Variants in PCSK5 observed in about 807,000 individuals in gnomAD.
PCSK5 encodes the protein prohormone convertase 5.
A neutral mutation model predicts 233.2 loss-of-function variants in PCSK5; 129 were observed. The observed-to-expected ratio is 0.55, with a 90% CI of 0.48 to 0.64. PCSK5 has a LOEUF of 0.64. PCSK5 is among the 30% of genes least tolerant of loss of function. The pLI, the probability that PCSK5 is intolerant of heterozygous loss-of-function variation, is 0.00. For synonymous variants in PCSK5, 825 were observed against 879.2 expected (o/e 0.94, Z 1.09); for missense variants, 2,076 against 2,430.1 (o/e 0.85, Z 3.06).
At chr9:76,256,929 C>T (rs1420617772) in intron 24 of PCSK5, among the ~76,000 whole-genome samples, 3 of 152,204 alleles carry the variant, frequency 2.0e-5, no homozygotes, top group Non-Finnish European at 4.4e-5. Context: ...CTTCCTTGTA[C>T]CTCCTAATAG....
intron 34 of PCSK5, among the ~76,000 whole-genome samples, chr9:76,336,815 C>A (rs1055257550): frequency 1.3e-5 from 2 of 152,066 alleles, no homozygotes; most frequent in East Asian, 3.9e-4. Context: ...ACCTGAGGCA[C>A]AGAGATGTTG....
At chr9:76,059,502 T>G (rs1242825557) in intron 5 of PCSK5, among the ~76,000 whole-genome samples, 1 of 152,244 alleles carries the variant, frequency 6.6e-6, no homozygotes, top group East Asian at 1.9e-4. Context: ...GTCTAACGTT[T>G]AAGTCTTTAA....
At chr9:76,066,330 A>C (rs1384960562) in intron 5 of PCSK5, among the ~76,000 whole-genome samples, 1 of 151,940 alleles carries the variant, frequency 6.6e-6, no homozygotes, top group Admixed American at 6.6e-5. Context: ...TATAGTTTTC[A>C]TTGTGTAGTA....
intron 1 of PCSK5, among the ~76,000 whole-genome samples, chr9:75,916,657 G>A (rs1481879300): frequency 6.6e-6 from 1 of 152,124 alleles, no homozygotes; most frequent in Non-Finnish European, 1.5e-5. Flanking sequence ...TTCTGAGGCT[G>A]GAAGGAAGGC....
chr9:76,307,775 A>G (rs541662084), intron 28 of PCSK5, among the ~76,000 whole-genome samples: 19 of 152,336 alleles, frequency 1.2e-4, no homozygotes, highest in Admixed American at 8.5e-4. Flanking sequence ...ACTCTAAAGA[A>G]CACAGTGACC....
At chr9:76,020,071 T>A (rs948641226) in intron 3 of PCSK5, among the ~76,000 whole-genome samples, 2 of 152,210 alleles carry the variant, frequency 1.3e-5, no homozygotes, top group Non-Finnish European at 2.9e-5. Flanking sequence ...CACCAGGCTG[T>A]GGGCTGCATG....
At chr9:76,173,595 T>TA (rs771312113) in intron 13 of PCSK5, among the ~76,000 whole-genome samples, 2 of 138,950 alleles carry the variant, frequency 1.4e-5, no homozygotes, top group East Asian at 4.9e-4. Context: ...AGAACTAAAC[T>TA]AAAGCAAAAT....
At chr9:76,342,107 A>G (rs1829852123) in intron 35 of PCSK5, among the ~76,000 whole-genome samples, 1 of 152,154 alleles carries the variant, frequency 6.6e-6, no homozygotes, top group African/African-American at 2.4e-5. Flanking sequence ...TTGTAAGGCC[A>G]TCTATCTTTA....
At chr9:76,107,047 C>T (rs1006900008) in intron 8 of PCSK5, among the ~76,000 whole-genome samples, 1 of 152,078 alleles carries the variant, frequency 6.6e-6, no homozygotes, top group African/African-American at 2.4e-5. Context: ...AAATGGAGTT[C>T]AGTTTCCAAA....
chr9:76,240,298 A>G (rs191376799), intron 23 of PCSK5, among the ~76,000 whole-genome samples: 18 of 152,354 alleles, frequency 1.2e-4, no homozygotes, highest in Non-Finnish European at 2.5e-4. Context: ...GTTCATTTAC[A>G]TACCCAATTC....
intron 3 of PCSK5, among the ~76,000 whole-genome samples, chr9:76,009,095 G>A (rs1356790379): frequency 1.3e-5 from 2 of 152,116 alleles, no homozygotes; most frequent in African/African-American, 4.8e-5. Flanking sequence ...ATTTTTCATA[G>A]TCCGTGTGGT....
At chr9:75,890,584 G>C (rs2131169006), upstream of PCSK5, 1 of 153,112 alleles carries the variant, frequency 6.5e-6, no homozygotes, top group South Asian at 2.1e-4. Flanking sequence ...AGAGGGCGGA[G>C]GAGGGAGAGG....
chr9:76,109,441 A>ATTT (rs1173208156), intron 9 of PCSK5, among the ~76,000 whole-genome samples: 12 of 151,360 alleles, frequency 7.9e-5, no homozygotes, highest in African/African-American at 2.9e-4. Flanking sequence ...TATTTTTTTA[A>ATTT]AAAAAAAACA....
chr9:76,000,551 C>A (rs538656018), intron 3 of PCSK5, among the ~76,000 whole-genome samples: 1 of 152,166 alleles, frequency 6.6e-6, no homozygotes, highest in South Asian at 2.1e-4. Flanking sequence ...TCTCATCAAT[C>A]ATTTGTTACA....
chr9:76,161,149 AT>A (rs1456469602), intron 12 of PCSK5, among the ~76,000 whole-genome samples: 1 of 152,190 alleles, frequency 6.6e-6, no homozygotes, highest in Non-Finnish European at 1.5e-5. Context: ...GACGTCTTCC[AT>A]TAGTGTATGG....
At position 76,241,435 on chromosome 9, in the gene PCSK5, C is replaced by T. The variant is rs575843504; in HGVS notation, c.3142+751C>T. Among the ~76,000 whole-genome samples the T allele has an allele frequency of 9.2e-4, 140 of 152,264 alleles. 1 individual carries two copies. The highest frequency in any genetic ancestry group is 3.3e-3 in the African/African-American group (137 of 41,560). ...CCAGCCTGGGCGACAGAGCCAGACT[C>T]CATCTTAAAACAATAAAAATGAAAA... On this transcript the variant is annotated intron_variant, in intron 24 of 37. Transcript: ENST00000674117.
intron 5 of PCSK5, among the ~76,000 whole-genome samples, chr9:76,058,015 T>C (rs895734730): frequency 6.6e-6 from 1 of 152,006 alleles, no homozygotes; most frequent in African/African-American, 2.4e-5. Context: ...TTATTTTTTA[T>C]TTATTTATTT....
intron 14 of PCSK5, 93 bp downstream of exon 14, chr9:76,175,222 A>AATGG (rs1823526145): frequency 7.4e-5 from 38 of 510,830 alleles, no homozygotes; most frequent in African/African-American, 1.3e-4. Flanking sequence ...GAATGGAATG[A>AATGG]AATGGAATGG....
At chr9:76,209,115 G>A (rs1021373760) in intron 20 of PCSK5, among the ~76,000 whole-genome samples, 5 of 152,106 alleles carry the variant, frequency 3.3e-5, no homozygotes, top group African/African-American at 9.7e-5. Flanking sequence ...GATAGAATAG[G>A]GCTGGTGTGC....
Sources: gnomAD v4.1 joint callset for allele counts (sites outside exome capture counted in the v4.1 genomes callset) on GRCh38, gnomAD v4.1.1 for gene constraint, MANE v1.5 for transcripts, NCBI Gene and HGNC (gene_info 2026-07-23, HGNC 2026-07-21) for gene names.